Variants in UPP2 observed in about 807,000 individuals in gnomAD.
UPP2 encodes uridine phosphorylase 2, also known as UPase 2.
UPP2 carries 23 observed loss-of-function variants against 26.7 expected under a neutral mutation model. That is an observed-to-expected ratio of 0.86 (90% confidence interval 0.62 to 1.22). The LOEUF is 1.22. Among genes scored for constraint, UPP2 ranks in the 50% most tolerant of loss-of-function variants. UPP2 has a pLI of 0.00. For missense variants in UPP2, 387 were observed against 396.7 expected, an observed-to-expected ratio of 0.98 and a Z score of 0.21; for synonymous variants, 127 against 141.3, an observed-to-expected ratio of 0.90 and a Z score of 0.72.
chr2:158,033,071 A>C (rs1484348317), intron 3 of UPP2, among the ~76,000 whole-genome samples: 3 of 152,146 alleles, frequency 2.0e-5, no homozygotes, highest in Non-Finnish European at 2.9e-5. Flanking sequence ...GGGGTCATTT[A>C]GAACACCAAA....
At chr2:158,028,932 C>T (rs1683878404) in intron 3 of UPP2, among the ~76,000 whole-genome samples, 1 of 152,182 alleles carries the variant, frequency 6.6e-6, no homozygotes, top group Non-Finnish European at 1.5e-5. Flanking sequence ...TCCCACCAGG[C>T]CCCTCCCACA....
intron 2 of UPP2, among the ~76,000 whole-genome samples, chr2:158,107,865 T>A (rs2105215989): frequency 6.6e-6 from 1 of 152,204 alleles, no homozygotes; most frequent in Admixed American, 6.5e-5. Context: ...TGCCTCTATT[T>A]TGCGCTTTGT....
chr2:158,063,611 T>C (rs933771056), intron 3 of UPP2, among the ~76,000 whole-genome samples: 11 of 152,180 alleles, frequency 7.2e-5, no homozygotes, highest in Admixed American at 7.2e-4. Flanking sequence ...CTTTTTTTTT[T>C]TTATACTTTA....
At position 158,057,334 on chromosome 2, in the gene UPP2, A is replaced by G. The variant is rs376234203; in HGVS notation, c.147+41448A>G. ...CTGCTCTTCAGGGTGAAAGATCTACATAAATTATTTGCAATTCATCTGTGT... is the reference window on the plus strand; with the variant it reads ...CTGCTCTTCAGGGTGAAAGATCTACGTAAATTATTTGCAATTCATCTGTGT... On this transcript the variant is annotated intron_variant, in intron 3 of 9. Coordinates refer to the UPP2 transcript ENST00000605860. 1.0e-3 allele frequency among the ~76,000 whole-genome samples: 155 copies of G among 152,342 alleles called. 5 individuals carry two copies. The South Asian group carries it at 0.027, about 27-fold the overall frequency.
chr2:158,057,238 TC>T (rs1250131194), intron 3 of UPP2, among the ~76,000 whole-genome samples: 2 of 152,200 alleles, frequency 1.3e-5, no homozygotes, highest in Non-Finnish European at 2.9e-5. Context: ...TTTCTCCCTT[TC>T]CACATTGTGC....
At chr2:158,072,021 C>G (rs1682550485) in intron 3 of UPP2, among the ~76,000 whole-genome samples, 1 of 152,142 alleles carries the variant, frequency 6.6e-6, no homozygotes, top group Admixed American at 6.5e-5. Context: ...ATCAGGTGGG[C>G]TCTTGGGGAC....
intron 3 of UPP2, among the ~76,000 whole-genome samples, chr2:158,069,024 AGC>A (rs1682494067): frequency 6.6e-6 from 1 of 150,768 alleles, no homozygotes; most frequent in African/African-American, 2.4e-5. Context: ...TCACTGTGTT[AGC>A]CAGGATGGTC....
chr2:158,132,336 C>T (rs556192664), intron 6 of UPP2, among the ~76,000 whole-genome samples: 49 of 152,280 alleles, frequency 3.2e-4, no homozygotes, highest in African/African-American at 8.7e-4. Flanking sequence ...CATGTGCTAG[C>T]TCAGGGGAGG....
intron 3 of UPP2, among the ~76,000 whole-genome samples, chr2:158,082,700 T>C (rs1682746979): frequency 1.3e-5 from 2 of 152,034 alleles, no homozygotes; most frequent in Non-Finnish European, 2.9e-5. Flanking sequence ...AAAGCCAAAA[T>C]TGACAAAGGG....
At chr2:158,019,898 T>G (rs1462415139) in intron 3 of UPP2, among the ~76,000 whole-genome samples, 1 of 152,182 alleles carries the variant, frequency 6.6e-6, no homozygotes, top group Non-Finnish European at 1.5e-5. Flanking sequence ...GGTTAAAATT[T>G]TATACACCAA....
At chr2:158,120,730 G>C (rs989213456) in intron 4 of UPP2, among the ~76,000 whole-genome samples, 3 of 151,944 alleles carry the variant, frequency 2.0e-5, no homozygotes, top group Non-Finnish European at 4.4e-5. Flanking sequence ...TTTTTCATTT[G>C]TTTGCTTCCC....
chr2:158,127,298 T>G (rs930025482), intron 6 of UPP2, among the ~76,000 whole-genome samples: 1 of 152,250 alleles, frequency 6.6e-6, no homozygotes, highest in Non-Finnish European at 1.5e-5. Flanking sequence ...ATATGTTAAC[T>G]TATATATTAT....
chr2:158,009,464 G>A (rs1304697986), intron 2 of UPP2, among the ~76,000 whole-genome samples: 6 of 152,174 alleles, frequency 3.9e-5, no homozygotes, highest in Non-Finnish European at 8.8e-5. Context: ...TTTTACAGTT[G>A]AAGGATAGCC....
intron 3 of UPP2, among the ~76,000 whole-genome samples, chr2:158,069,143 C>G (rs528478967): frequency 6.6e-6 from 1 of 152,116 alleles, no homozygotes; most frequent in South Asian, 2.1e-4. Context: ...CTAGTCGCCT[C>G]TGGAACAAAT....
intron 2 of UPP2, among the ~76,000 whole-genome samples, chr2:158,112,995 G>A (rs1477213235): frequency 6.6e-6 from 1 of 152,146 alleles, no homozygotes; most frequent in Non-Finnish European, 1.5e-5. Flanking sequence ...GTCAATGTTG[G>A]TTGGTGGTCT....
At chr2:158,065,030 G>A (rs996205756) in intron 3 of UPP2, among the ~76,000 whole-genome samples, 2 of 152,012 alleles carry the variant, frequency 1.3e-5, no homozygotes, top group Non-Finnish European at 2.9e-5. Flanking sequence ...TGATGCTTCC[G>A]AATAGGAACA....
intron 2 of UPP2, among the ~76,000 whole-genome samples, chr2:158,015,110 A>G (rs535080520): frequency 7.2e-5 from 11 of 152,364 alleles, no homozygotes; most frequent in Non-Finnish European, 1.2e-4. Context: ...TGTCAAATTT[A>G]CCATCTTAAC....
At chr2:158,085,242 T>C (rs1483081819) in intron 3 of UPP2, among the ~76,000 whole-genome samples, 1 of 152,118 alleles carries the variant, frequency 6.6e-6, no homozygotes, top group Non-Finnish European at 1.5e-5. Context: ...TATTACATTA[T>C]ATTTTATTTT....
chr2:158,019,452 C>T (rs1029852198), intron 3 of UPP2, among the ~76,000 whole-genome samples: 9 of 152,152 alleles, frequency 5.9e-5, no homozygotes, highest in South Asian at 2.1e-4. Flanking sequence ...CTCCTGGGGC[C>T]GCTATGTTTA....
Sources: allele counts gnomAD v4.1 joint callset (sites outside exome capture counted in the v4.1 genomes callset), GRCh38; gene constraint gnomAD v4.1.1; transcripts MANE v1.5; gene names NCBI Gene and HGNC (gene_info 2026-07-23, HGNC 2026-07-21).